The following PLCE1 variants were observed in gnomAD, a reference collection of about 807,000 sequenced individuals.
The protein encoded by PLCE1 is phospholipase C epsilon 1, also known as 1-phosphatidylinositol 4,5-bisphosphate phosphodiesterase epsilon-1.
PLCE1 carries 119 observed loss-of-function variants against 242.8 expected under a neutral mutation model. The ratio of observed to expected loss-of-function variants is 0.49; its 90% CI spans 0.42 to 0.57. The LOEUF is 0.57. PLCE1 is among the 20% of genes least tolerant of loss of function. The pLI is 0.00. For missense variants in PLCE1, 2,441 were observed against 2,788.8 expected, an observed-to-expected ratio of 0.88 and a Z score of 2.81; for synonymous variants, 945 against 1,017.4, an observed-to-expected ratio of 0.93 and a Z score of 1.35.
At chr10:94,013,418 A>C (rs989672430) in intron 1 of PLCE1, among the ~76,000 whole-genome samples, 1 of 152,206 alleles carries the variant, frequency 6.6e-6, no homozygotes, top group South Asian at 2.1e-4. Flanking sequence ...TAACCTCACC[A>C]TGTATGTGAT....
intron 2 of PLCE1, among the ~76,000 whole-genome samples, chr10:94,047,688 T>G (rs2043634803): frequency 6.6e-6 from 1 of 152,294 alleles, no homozygotes; most frequent in South Asian, 2.1e-4. Context: ...TTAGTCATTT[T>G]CAGTAGTGAA....
At chr10:94,236,154 A>C in intron 7 of PLCE1, 34 bp downstream of exon 7, 166 of 1,566,772 alleles carry the variant, frequency 1.1e-4, no homozygotes, top group Middle Eastern at 3.4e-4. Context: ...AGGAATGCTC[A>C]TCTCTTCTTT....
At chr10:94,052,000 G>T (rs901461238) in intron 2 of PLCE1, among the ~76,000 whole-genome samples, 3 of 152,154 alleles carry the variant, frequency 2.0e-5, no homozygotes, top group Non-Finnish European at 2.9e-5. Flanking sequence ...TGTGAATTCT[G>T]TCTAGGTTTT....
intron 14 of PLCE1, among the ~76,000 whole-genome samples, chr10:94,264,838 T>G (rs1260838921): frequency 6.6e-6 from 1 of 152,040 alleles, no homozygotes; most frequent in East Asian, 1.9e-4. Context: ...TTTTATGAGA[T>G]TACTCTGAGC....
chr10:94,236,208 T>G, intron 7 of PLCE1, 88 bp downstream of exon 7: 1 of 1,086,964 alleles, frequency 9.2e-7, no homozygotes, highest in Non-Finnish European at 1.4e-6. Flanking sequence ...TAGTTTCAGA[T>G]GGACACCTCA....
intron 11 of PLCE1, among the ~76,000 whole-genome samples, chr10:94,255,914 A>ACACTCTCTCTCTCT (rs1284531207): frequency 2.9e-3 from 192 of 67,314 alleles, no homozygotes; most frequent in Middle Eastern, 0.014. Flanking sequence ...ACACACACAC[A>ACACTCTCTCTCTCT]CTCTCTCTCT....
chr10:94,168,402 G>A (rs1242038331), intron 3 of PLCE1, among the ~76,000 whole-genome samples: 1 of 152,168 alleles, frequency 6.6e-6, no homozygotes, highest in Non-Finnish European at 1.5e-5. Context: ...AAATCCCTGG[G>A]TATTCCAGCT....
chr10:94,254,091 T>G, intron 9 of PLCE1, 99 bp from the exon 10 acceptor site: 1 of 847,836 alleles, frequency 1.2e-6, no homozygotes, highest in Non-Finnish European at 2.1e-6. Context: ...AGAGGCAGTA[T>G]TGAAGGTGGG....
intron 19 of PLCE1, among the ~76,000 whole-genome samples, chr10:94,276,943 G>T (rs2051976170): frequency 6.6e-6 from 1 of 152,128 alleles, no homozygotes; most frequent in Non-Finnish European, 1.5e-5. Flanking sequence ...ACATCCGTAA[G>T]GCCTTTCTGT....
intron 3 of PLCE1, among the ~76,000 whole-genome samples, chr10:94,163,473 T>C (rs1409073358): frequency 6.6e-6 from 1 of 152,208 alleles, no homozygotes. Flanking sequence ...AGACTAGGAT[T>C]GCAACCCCTG....
chr10:94,130,178 A>G (rs1188766555), intron 2 of PLCE1, among the ~76,000 whole-genome samples: 2 of 152,202 alleles, frequency 1.3e-5, no homozygotes, highest in East Asian at 3.8e-4. Flanking sequence ...GAGCCAAGAG[A>G]ATAAAACTAT....
intron 2 of PLCE1, among the ~76,000 whole-genome samples, chr10:94,055,167 G>A (rs1006502951): frequency 6.6e-6 from 1 of 151,856 alleles, no homozygotes. Flanking sequence ...GTATAATAAT[G>A]AAGATAATAA....
intron 29 of PLCE1, among the ~76,000 whole-genome samples, chr10:94,321,641 A>C (rs1281916836): frequency 2.6e-5 from 4 of 151,922 alleles, no homozygotes; most frequent in African/African-American, 9.7e-5. Context: ...AAAAAAAAAA[A>C]AAAAACCCAC....
At chr10:94,001,941 C>A (rs1304896139) in intron 1 of PLCE1, among the ~76,000 whole-genome samples, 2 of 152,180 alleles carry the variant, frequency 1.3e-5, no homozygotes, top group Admixed American at 6.5e-5. Context: ...GATGACAGAG[C>A]AGAGCTTGAG....
chr10:94,265,075 A>G (rs2051464705), intron 14 of PLCE1, among the ~76,000 whole-genome samples: 2 of 152,370 alleles, frequency 1.3e-5, no homozygotes, highest in Middle Eastern at 3.4e-3. Context: ...TAGCTGGTGA[A>G]GGTTTACACT....
intron 2 of PLCE1, among the ~76,000 whole-genome samples, chr10:94,049,723 A>C (rs2043710193): frequency 6.6e-6 from 1 of 152,164 alleles, no homozygotes; most frequent in African/African-American, 2.4e-5. Context: ...CAGCACCCAA[A>C]CCAACAAATG....
At chr10:94,326,812 T>C (rs917102415) in intron 32 of PLCE1, among the ~76,000 whole-genome samples, 10 of 152,226 alleles carry the variant, frequency 6.6e-5, no homozygotes, top group African/African-American at 2.4e-4. Context: ...TTTTTCTTTT[T>C]CTAAGCAAGC....
At chr10:94,122,479 A>T (rs1250532030) in intron 2 of PLCE1, among the ~76,000 whole-genome samples, 1 of 152,200 alleles carries the variant, frequency 6.6e-6, no homozygotes, top group African/African-American at 2.4e-5. Flanking sequence ...CATCTTTGGA[A>T]ATATTAAGCT....
intron 24 of PLCE1, among the ~76,000 whole-genome samples, chr10:94,303,896 C>A (rs2053119716): frequency 2.0e-5 from 3 of 151,996 alleles, no homozygotes; most frequent in Non-Finnish European, 1.5e-5. Context: ...GTATGGCAAC[C>A]ATTTACATAG....
Sources: gnomAD v4.1 joint callset for allele counts (sites outside exome capture counted in the v4.1 genomes callset) on GRCh38, gnomAD v4.1.1 for gene constraint, MANE v1.5 for transcripts, NCBI Gene and HGNC (gene_info 2026-07-23, HGNC 2026-07-21) for gene names.